POFUT3: variants seen among roughly 807,000 people sequenced by gnomAD.
POFUT3 encodes GDP-fucose protein O-fucosyltransferase 3.
chr8:33,385,458 G>A, the POFUT3 span, among the ~76,000 whole-genome samples: 1 of 152,212 alleles, frequency 6.6e-6, no homozygotes, highest in Non-Finnish European at 1.5e-5. Flanking sequence ...ACGGGGCCAT[G>A]ATGAATGGGG....
chr8:33,430,156 G>A, the POFUT3 span, among the ~76,000 whole-genome samples: 4 of 150,500 alleles, frequency 2.7e-5, no homozygotes, highest in Non-Finnish European at 5.9e-5. Context: ...TGAGCATTAT[G>A]ATGTCCTGGT....
chr8:33,328,848 G>T, the POFUT3 span, among the ~76,000 whole-genome samples: 2 of 152,174 alleles, frequency 1.3e-5, no homozygotes, highest in Non-Finnish European at 2.9e-5. Context: ...CACCCACAAA[G>T]ATATGGGGGC....
At chr8:33,397,290 G>C in the POFUT3 span, among the ~76,000 whole-genome samples, 1 of 152,140 alleles carries the variant, frequency 6.6e-6, no homozygotes, top group East Asian at 1.9e-4. Context: ...TGAGAATTAG[G>C]TGTTGGGAAG....
At chr8:33,418,726 G>A in the POFUT3 span, among the ~76,000 whole-genome samples, 2 of 152,138 alleles carry the variant, frequency 1.3e-5, no homozygotes, top group Non-Finnish European at 2.9e-5. Flanking sequence ...CCACTGCTGG[G>A]TATCTTTCCA....
the POFUT3 span, among the ~76,000 whole-genome samples, chr8:33,398,525 G>A: frequency 6.6e-6 from 1 of 151,964 alleles, no homozygotes; most frequent in Non-Finnish European, 1.5e-5. Context: ...TGCATTTCTA[G>A]CCATTTATTC....
At chr8:33,401,499 A>T in the POFUT3 span, among the ~76,000 whole-genome samples, 2 of 152,216 alleles carry the variant, frequency 1.3e-5, no homozygotes, top group African/African-American at 4.8e-5. Context: ...ATTCAAATTT[A>T]AAAAGAAAAT....
At chr8:33,329,974 C>T in the POFUT3 span, among the ~76,000 whole-genome samples, 1 of 151,720 alleles carries the variant, frequency 6.6e-6, no homozygotes, top group East Asian at 1.9e-4. Flanking sequence ...TACCCTTTAA[C>T]TAATAATAAT....
chr8:33,381,899 T>C, the POFUT3 span, among the ~76,000 whole-genome samples: 6 of 152,214 alleles, frequency 3.9e-5, no homozygotes, highest in African/African-American at 1.4e-4. Flanking sequence ...GTAAGCCCTA[T>C]GACAAGGGAC....
the POFUT3 span, among the ~76,000 whole-genome samples, chr8:33,374,181 T>C: frequency 6.6e-6 from 1 of 152,174 alleles, no homozygotes; most frequent in Non-Finnish European, 1.5e-5. Context: ...GCTTGCTCAC[T>C]CCTTATAAAC....
At chr8:33,467,883 C>A in the POFUT3 span, among the ~76,000 whole-genome samples, 2 of 152,116 alleles carry the variant, frequency 1.3e-5, no homozygotes, top group Admixed American at 1.3e-4. Flanking sequence ...TGATTTCTTT[C>A]CTGCGTGTCT....
the POFUT3 span, among the ~76,000 whole-genome samples, chr8:33,406,110 C>A: frequency 6.6e-6 from 1 of 151,588 alleles, no homozygotes; most frequent in Non-Finnish European, 1.5e-5. Flanking sequence ...AGTAACACAA[C>A]AAAAAACAGA....
At chr8:33,314,389 C>A in the POFUT3 span, among the ~76,000 whole-genome samples, 1 of 152,136 alleles carries the variant, frequency 6.6e-6, no homozygotes, top group Non-Finnish European at 1.5e-5. Flanking sequence ...TCAACAGGGA[C>A]AAAACATCAA....
At chr8:33,435,685 T>C in the POFUT3 span, among the ~76,000 whole-genome samples, 1 of 151,304 alleles carries the variant, frequency 6.6e-6, no homozygotes, top group African/African-American at 2.4e-5. Context: ...CTGGACAATT[T>C]TTGTATTTTT....
chr8:33,446,468 A>AAG, the POFUT3 span, among the ~76,000 whole-genome samples: 11 of 151,226 alleles, frequency 7.3e-5, no homozygotes, highest in Admixed American at 5.9e-4. Flanking sequence ...AAAAAAAAAA[A>AAG]AAAATACTTG....
chr8:33,318,243 C>A, the POFUT3 span, among the ~76,000 whole-genome samples: 1 of 151,564 alleles, frequency 6.6e-6, no homozygotes, highest in African/African-American at 2.4e-5. Flanking sequence ...TTAAACTGCT[C>A]CACAATAATA....
chr8:33,425,899 T>C, the POFUT3 span, among the ~76,000 whole-genome samples: 1 of 136,942 alleles, frequency 7.3e-6, no homozygotes, highest in Admixed American at 7.3e-5. Context: ...CAAAACTCCA[T>C]CTCAAAAAAA....
At chr8:33,437,437 G>A in the POFUT3 span, among the ~76,000 whole-genome samples, 1 of 151,796 alleles carries the variant, frequency 6.6e-6, no homozygotes, top group Admixed American at 6.6e-5. Flanking sequence ...ACTTTTATTG[G>A]AGGGGAAAAA....
chr8:33,388,838 G>A, the POFUT3 span: 1 of 783,532 alleles, frequency 1.3e-6, no homozygotes, highest in Non-Finnish European at 2.2e-6. Flanking sequence ...TTCCTGCAAA[G>A]CCCGGTCTTT....
At chr8:33,467,272 C>CAAA in the POFUT3 span, among the ~76,000 whole-genome samples, 1,728 of 73,020 alleles carry the variant, frequency 0.024, 242 homozygotes, top group African/African-American at 0.049. Context: ...GACTCTGTCT[C>CAAA]AAAAAAAAAA....
Sources: gnomAD v4.1 joint callset for allele counts (sites outside exome capture counted in the v4.1 genomes callset) on GRCh38, gnomAD v4.1.1 for gene constraint, MANE v1.5 for transcripts, NCBI Gene and HGNC (gene_info 2026-07-23, HGNC 2026-07-21) for gene names.